The following LURAP1 variants were observed in gnomAD, a reference collection of about 807,000 sequenced individuals.
LURAP1 encodes leucine rich adaptor protein 1, also known as NF-kappa-B activator C1orf190.
A neutral mutation model predicts 19.0 loss-of-function variants in LURAP1; 14 were observed. That is an observed-to-expected ratio of 0.74 (90% confidence interval 0.49 to 1.15). LURAP1 has a LOEUF of 1.15. Ranked by LOEUF, LURAP1 falls within the 50% of genes most tolerant of loss-of-function variation. The pLI is 0.00. For missense variants in LURAP1, 273 were observed against 309.1 expected (o/e 0.88, Z 0.87); for synonymous variants, 129 against 131.8 (o/e 0.98, Z 0.14).
At chr1:46,217,675 G>A (rs930193808) in intron 1 of LURAP1, among the ~76,000 whole-genome samples, 1 of 152,056 alleles carries the variant, frequency 6.6e-6, no homozygotes, top group Non-Finnish European at 1.5e-5. Flanking sequence ...TGGCTAACCT[G>A]GTGATGCCCT....
chr1:46,206,964 T>A (rs920764257), intron 1 of LURAP1, among the ~76,000 whole-genome samples: 10 of 152,194 alleles, frequency 6.6e-5, no homozygotes, highest in African/African-American at 2.4e-4. Context: ...GAGTCTTCAC[T>A]GTAGAGTGAT....
intron 1 of LURAP1, among the ~76,000 whole-genome samples, 199 bp from the exon 2 acceptor site, chr1:46,219,500 A>G (rs558403923): frequency 2.0e-5 from 3 of 152,310 alleles, no homozygotes; most frequent in South Asian, 2.1e-4. Flanking sequence ...AGGCTCAAAG[A>G]AGATATGTCT....
chr1:46,215,933 A>G (rs147781883), intron 1 of LURAP1, among the ~76,000 whole-genome samples: 4 of 152,138 alleles, frequency 2.6e-5, no homozygotes, highest in African/African-American at 4.8e-5. Context: ...CAATGCCTTA[A>G]CCCCTGAGGA....
Position 46,203,522 on chromosome 1 carries a change from A to T in LURAP1, c.96A>T (p.Arg32=). 6.4e-7 allele frequency: 1 copy of T among 1,563,776 alleles called. No individual in the cohort carries two copies. Among genetic ancestry groups the T allele is most frequent in the Non-Finnish European group, 8.6e-7 (1 of 1,157,138 alleles). ...KTPEGLLRGL[R]GECELGTSGA... is the part of the protein sequence containing the mutation. Reference sequence around the variant, plus strand: ...CTGAAGGGCTGCTCCGCGGGCTGCGAGGCGAGTGTGAGCTGGGAACCTCTG... The same window carrying T: ...CTGAAGGGCTGCTCCGCGGGCTGCGTGGCGAGTGTGAGCTGGGAACCTCTG... The change falls in exon 1 of 2, where the codon CGA becomes CGT. Residue 32 remains arginine (R), a synonymous_variant. Transcript: ENST00000371980.
chr1:46,211,359 A>G (rs898999047), intron 1 of LURAP1, among the ~76,000 whole-genome samples: 4 of 151,676 alleles, frequency 2.6e-5, no homozygotes, highest in Non-Finnish European at 5.9e-5. Context: ...CCTGAAGCCT[A>G]TTTCTGAGTG....
rs1376441704 is a variant in LURAP1, at chr1:46,220,380, C to T, written c.*160C>T. ...CATTTCTCTAGTCCCTAGGGAGTCT[C>T]TGCCTTTATCCCTCAATTATTGGGT... On this transcript the variant is annotated 3_prime_UTR_variant, in exon 2 of 2. Coordinates refer to ENST00000371980, the MANE Select transcript of LURAP1 (RefSeq NM_001013615.3). The T allele has an allele frequency of 2.8e-6, 2 of 711,568 alleles. No homozygotes were observed. Among genetic ancestry groups the T allele is most frequent in the Non-Finnish European group, 4.5e-6 (2 of 442,168 alleles). 44.1% of individuals were successfully genotyped at this position (711,568 alleles called of 1,614,324 possible).
In LURAP1 at chr1:46,220,275, TC is replaced by T; in HGVS notation, c.*60del. The T allele has an allele frequency of 1.3e-6, 2 of 1,511,400 alleles. No individual in the cohort carries two copies. Among genetic ancestry groups the T allele is most frequent in the Non-Finnish European group, 1.8e-6 (2 of 1,129,572 alleles). 93.6% of individuals were successfully genotyped at this position (1,511,400 alleles called of 1,614,324 possible). ...GCTCTTTTATCCATTAGATGTGGTC[TC>T]CCCCAAAATTGATTCTCCCTCAGTC... is the stretch of plus-strand genomic sequence containing the variant. On this transcript the variant is annotated 3_prime_UTR_variant, in exon 2 of 2. Transcript: ENST00000371980.
intron 1 of LURAP1, among the ~76,000 whole-genome samples, chr1:46,216,449 C>T (rs908914233): frequency 6.6e-6 from 1 of 152,166 alleles, no homozygotes; most frequent in African/African-American, 2.4e-5. Context: ...TCAAGCAATC[C>T]TCTCACCTCA....
At position 46,219,900 on chromosome 1, in the gene LURAP1, A is replaced by G. The variant is rs754111944; in HGVS notation, c.400A>G (p.Ser134Gly). 4 of 1,614,014 alleles carry G rather than the reference A, an allele frequency of 2.5e-6. No individual in the cohort carries two copies. The highest frequency in any genetic ancestry group is 1.7e-6 in the Non-Finnish European group (2 of 1,179,902). The stretch of plus-strand genomic sequence containing the variant: ...CAGCTGGGACAGCCTGCCAGACACC[A>G]GCACCACCGACCGGCTGGACAGTGT... Reference protein sequence around the residue: ...RGSWDSLPDTSTTDRLDSVSI... With the variant: ...RGSWDSLPDTGTTDRLDSVSI... The change falls in exon 2 of 2, where the codon AGC becomes GGC. Residue 134 changes from serine to glycine, a missense_variant. Physicochemically the swap from Ser to Gly is moderately conservative, Grantham distance 56. Coordinates refer to ENST00000371980, the MANE Select transcript of LURAP1 (RefSeq NM_001013615.3).
chr1:46,212,210 G>A (rs1313076222), intron 1 of LURAP1, among the ~76,000 whole-genome samples: 1 of 152,010 alleles, frequency 6.6e-6, no homozygotes, highest in South Asian at 2.1e-4. Context: ...ACCTGTATAT[G>A]TAAATACACA....
chr1:46,215,019 G>A (rs888354793), intron 1 of LURAP1, among the ~76,000 whole-genome samples: 2 of 152,076 alleles, frequency 1.3e-5, no homozygotes, highest in Non-Finnish European at 2.9e-5. Flanking sequence ...AAGGTCAGGA[G>A]ATTGAAACCA....
At chr1:46,218,664 C>T (rs1385746463) in intron 1 of LURAP1, among the ~76,000 whole-genome samples, 1 of 152,162 alleles carries the variant, frequency 6.6e-6, no homozygotes, top group Non-Finnish European at 1.5e-5. Flanking sequence ...CAGGTTCAGA[C>T]TTGTGCTTAG....
At chr1:46,211,163 G>A (rs1379739097) in intron 1 of LURAP1, among the ~76,000 whole-genome samples, 2 of 152,068 alleles carry the variant, frequency 1.3e-5, no homozygotes, top group Non-Finnish European at 2.9e-5. Context: ...GACAAAAAGG[G>A]TCTGATCAAA....
At chr1:46,219,579 A>T in intron 1 of LURAP1, 120 bp from the exon 2 acceptor site, 1 of 1,124,522 alleles carries the variant, frequency 8.9e-7, no homozygotes, top group Non-Finnish European at 1.3e-6. Context: ...GCAAGCCGTT[A>T]TAATTCCATC....
In LURAP1 at chr1:46,220,193, G is replaced by A. The variant is rs145333338; in HGVS notation, c.693G>A (p.Gln231=). 1.9e-6 allele frequency: 3 copies of A among 1,611,428 alleles called. No individual in the cohort carries two copies. Among genetic ancestry groups the A allele is most frequent in the Non-Finnish European group, 2.5e-6 (3 of 1,178,360 alleles). The change falls in exon 2 of 2, where the codon CAG becomes CAA. Residue 231 remains glutamine (Q), a synonymous_variant. Coordinates refer to ENST00000371980, the MANE Select transcript of LURAP1 (RefSeq NM_001013615.3). ...TCGAGGCCCACTGGTTCTGGGAGCA[G>A]TGCCAGGATGATGTGACCTTCTTGT... ...LGFEAHWFWE[Q]CQDDVTFL
At position 46,219,996 on chromosome 1, in the gene LURAP1, C is replaced by A. The variant is rs757809172; in HGVS notation, c.496C>A (p.Arg166Ser). 2 of 1,614,248 alleles carry A rather than the reference C, an allele frequency of 1.2e-6. No homozygotes were observed. Among genetic ancestry groups the A allele is most frequent in the East Asian group, 2.2e-5 (1 of 44,888 alleles). The change falls in exon 2 of 2, where the codon CGT becomes AGT. Residue 166 changes from arginine to serine, a missense_variant. Physicochemically the swap from Arg to Ser is moderately radical, Grantham distance 110. Coordinates refer to ENST00000371980, the MANE Select transcript of LURAP1 (RefSeq NM_001013615.3). Reference protein sequence around the residue: ...LDEQGPPGAPRSEMDWAKVIA... With the variant: ...LDEQGPPGAPSSEMDWAKVIA... ...TGAACAGGGCCCACCTGGGGCTCCA[C>A]GTTCCGAGATGGACTGGGCAAAAGT...
In LURAP1 at chr1:46,210,765, CT is replaced by C. The variant is rs531165281; in HGVS notation, c.198+7142del. ...CAGCTACTTGGACGCTCTCTGAATC[CT>C]GTTGTGGGGACCTTTTTTTATTTTT... On this transcript the variant is annotated intron_variant, in intron 1 of 1. Transcript: ENST00000371980. Among the ~76,000 whole-genome samples, 999 of 152,204 alleles carry C rather than the reference CT, an allele frequency of 6.6e-3. 11 individuals carry two copies. Among genetic ancestry groups the C allele is most frequent in the Non-Finnish European group, 9.4e-3 (640 of 68,004 alleles).
At chr1:46,217,276 G>A (rs148914129) in intron 1 of LURAP1, among the ~76,000 whole-genome samples, 35 of 152,248 alleles carry the variant, frequency 2.3e-4, no homozygotes, top group Non-Finnish European at 3.5e-4. Flanking sequence ...TAGATAGAAC[G>A]TGTCATGCAT....
At chr1:46,204,357 G>A (rs1250204785) in intron 1 of LURAP1, among the ~76,000 whole-genome samples, 1 of 152,184 alleles carries the variant, frequency 6.6e-6, no homozygotes, top group African/African-American at 2.4e-5. Flanking sequence ...TGCTGGTCTA[G>A]ATTCAGAGCC....
Sources: gnomAD v4.1 joint callset for allele counts (sites outside exome capture counted in the v4.1 genomes callset) on GRCh38, gnomAD v4.1.1 for gene constraint, MANE v1.5 for transcripts, NCBI Gene and HGNC (gene_info 2026-07-23, HGNC 2026-07-21) for gene names.